CTNNBL1: variants seen among roughly 807,000 people sequenced by gnomAD.
CTNNBL1 encodes the protein beta-catenin-like protein 1.
A neutral mutation model predicts 72.7 loss-of-function variants in CTNNBL1; 31 were observed. The observed-to-expected ratio is 0.43, with a 90% CI of 0.32 to 0.58. CTNNBL1 has a LOEUF of 0.58. Ranked by LOEUF, CTNNBL1 falls within the 20% of genes least tolerant of loss-of-function variation. CTNNBL1 has a pLI of 0.08. For missense variants in CTNNBL1, 534 were observed against 725.1 expected (o/e 0.74, Z 3.03); for synonymous variants, 240 against 267.3 (o/e 0.90, Z 1.00).
chr20:37,768,703 G>A lies in CTNNBL1; in HGVS notation c.750+659G>A, dbSNP rs6020780. Among the ~76,000 whole-genome samples, 496 of 152,290 alleles carry A rather than the reference G, an allele frequency of 3.3e-3. 7 individuals carry two copies. The highest frequency in any genetic ancestry group is 0.011 in the African/African-American group (447 of 41,556). Reference sequence around the variant, plus strand: ...ATTCACAAAACTTTTCTTACAGTATGTTGTTATAATAGTTCTATTTTATTA... The same window carrying A: ...ATTCACAAAACTTTTCTTACAGTATATTGTTATAATAGTTCTATTTTATTA... On this transcript the variant is annotated intron_variant, in intron 7 of 15. Transcript: ENST00000361383.
chr20:37,734,066 A>G (rs928996313), intron 2 of CTNNBL1, among the ~76,000 whole-genome samples: 2 of 152,218 alleles, frequency 1.3e-5, no homozygotes, highest in African/African-American at 2.4e-5. Context: ...TTTGTTCAAT[A>G]TGAATTATGG....
In CTNNBL1 at chr20:37,746,480, C is replaced by T. The variant is rs1326197694; in HGVS notation, c.339C>T (p.Ser113=). ...FPDNPEKFME[S]ELDLNDIIQE... ...TTTTCCCTCCTAGGTTCATGGAATCCGAGCTGGACCTAAATGACATCATTC... is the reference window on the plus strand; with the variant it reads ...TTTTCCCTCCTAGGTTCATGGAATCTGAGCTGGACCTAAATGACATCATTC... Residue 113 remains serine, a synonymous_variant, in exon 4 of 16, where the codon TCC becomes TCT. Coordinates refer to ENST00000361383, the MANE Select transcript of CTNNBL1 (RefSeq NM_030877.5). 13 of 1,613,206 alleles carry T rather than the reference C, an allele frequency of 8.1e-6. No individual in the cohort carries two copies. The highest frequency in any genetic ancestry group is 2.2e-5 in the East Asian group (1 of 44,872).
chr20:37,836,399 C>A (rs957468607), intron 11 of CTNNBL1, among the ~76,000 whole-genome samples: 1 of 152,200 alleles, frequency 6.6e-6, no homozygotes, highest in Non-Finnish European at 1.5e-5. Flanking sequence ...CCCTCTCCCA[C>A]ATGGACATGG....
At chr20:37,759,020 C>T (rs7265394) in intron 5 of CTNNBL1, among the ~76,000 whole-genome samples, 15,323 of 152,146 alleles carry the variant, frequency 0.1, 1,240 homozygotes, top group African/African-American at 0.22. Flanking sequence ...GGGTTGTGAA[C>T]CCACTGGTTA....
chr20:37,767,623 G>A (rs570806182), intron 6 of CTNNBL1, among the ~76,000 whole-genome samples: 40 of 152,324 alleles, frequency 2.6e-4, no homozygotes, highest in Non-Finnish European at 5.4e-4. Context: ...GGGTTTCTGG[G>A]ACTCATTAGG....
At chr20:37,851,605 C>G (rs1025801575) in intron 13 of CTNNBL1, among the ~76,000 whole-genome samples, 5 of 152,210 alleles carry the variant, frequency 3.3e-5, no homozygotes, top group Admixed American at 2.6e-4. Flanking sequence ...AACAAATTTG[C>G]ATGGGTTTCT....
chr20:37,868,424 A>G (rs889172272), intron 15 of CTNNBL1, among the ~76,000 whole-genome samples: 1 of 151,888 alleles, frequency 6.6e-6, no homozygotes, highest in African/African-American at 2.4e-5. Context: ...GGTGTTCTTT[A>G]CCTTGTGAGA....
intron 5 of CTNNBL1, among the ~76,000 whole-genome samples, chr20:37,764,928 C>T (rs1334532354): frequency 2.0e-5 from 3 of 152,104 alleles, no homozygotes; most frequent in Admixed American, 6.5e-5. Context: ...CACTCACCAA[C>T]CTTTTAACCT....
intron 11 of CTNNBL1, among the ~76,000 whole-genome samples, chr20:37,837,310 A>C (rs1307894934): frequency 1.3e-5 from 2 of 151,930 alleles, no homozygotes; most frequent in African/African-American, 2.4e-5. Flanking sequence ...TTCTACCCTC[A>C]TCCCACCCCA....
At chr20:37,869,932 C>T (rs1338491588) in intron 15 of CTNNBL1, among the ~76,000 whole-genome samples, 3 of 151,840 alleles carry the variant, frequency 2.0e-5, no homozygotes, top group Non-Finnish European at 4.4e-5. Context: ...CCCCCTTCCC[C>T]TCCCACCAGA....
intron 15 of CTNNBL1, among the ~76,000 whole-genome samples, chr20:37,870,557 CAG>C (rs922310055): frequency 2.7e-4 from 41 of 152,216 alleles, no homozygotes; most frequent in African/African-American, 9.9e-4. Context: ...GAGCCACCCT[CAG>C]AAAACATCAA....
At chr20:37,869,435 G>T (rs1045122129) in intron 15 of CTNNBL1, among the ~76,000 whole-genome samples, 1 of 152,228 alleles carries the variant, frequency 6.6e-6, no homozygotes, top group Non-Finnish European at 1.5e-5. Flanking sequence ...GGACCAGGGG[G>T]CAGAAGTGCA....
At chr20:37,790,218 G>A (rs2073711572) in intron 10 of CTNNBL1, among the ~76,000 whole-genome samples, 1 of 152,166 alleles carries the variant, frequency 6.6e-6, no homozygotes, top group South Asian at 2.1e-4. Context: ...AGGCCAGCCT[G>A]GGGAACTTTG....
At chr20:37,787,124 A>ATT (rs556666829) in intron 10 of CTNNBL1, among the ~76,000 whole-genome samples, 2 of 129,236 alleles carry the variant, frequency 1.5e-5, no homozygotes, top group Admixed American at 7.7e-5. Flanking sequence ...TATCCTTAGC[A>ATT]TTTTTTTTTT....
intron 13 of CTNNBL1, among the ~76,000 whole-genome samples, chr20:37,851,238 C>T (rs543772432): frequency 3.3e-5 from 5 of 152,250 alleles, no homozygotes; most frequent in South Asian, 2.1e-4. Flanking sequence ...ATGCACCATT[C>T]GCTGAATTAC....
At chr20:37,728,007 G>A (rs1033886021) in intron 1 of CTNNBL1, among the ~76,000 whole-genome samples, 11 of 152,150 alleles carry the variant, frequency 7.2e-5, no homozygotes, top group Non-Finnish European at 1.6e-4. Context: ...ACTCTTTCAC[G>A]AACAGACAGG....
chr20:37,701,928 T>C (rs6012858), intron 1 of CTNNBL1, among the ~76,000 whole-genome samples: 8,980 of 60,420 alleles, frequency 0.15, 2,194 homozygotes, highest in African/African-American at 0.42. Flanking sequence ...CGTAATACAT[T>C]GTACGCTCAT....
chr20:37,709,078 A>G (rs1290856509), intron 1 of CTNNBL1, among the ~76,000 whole-genome samples: 3 of 152,118 alleles, frequency 2.0e-5, no homozygotes, highest in Non-Finnish European at 2.9e-5. Flanking sequence ...TGGAGGGTGC[A>G]GTGAGCCGAG....
At chr20:37,710,857 GT>G (rs1182415035) in intron 1 of CTNNBL1, among the ~76,000 whole-genome samples, 5 of 152,272 alleles carry the variant, frequency 3.3e-5, no homozygotes, top group Middle Eastern at 3.4e-3. Flanking sequence ...TTCTTCACCA[GT>G]TTATGCCTCT....
Sources: gnomAD v4.1 joint callset for allele counts (sites outside exome capture counted in the v4.1 genomes callset) on GRCh38, gnomAD v4.1.1 for gene constraint, MANE v1.5 for transcripts, NCBI Gene and HGNC (gene_info 2026-07-23, HGNC 2026-07-21) for gene names.